COL19A1: variants seen among roughly 807,000 people sequenced by gnomAD.
COL19A1 encodes collagen alpha-1(XIX) chain.
In COL19A1, 159 loss-of-function variants were observed where a neutral mutation model predicts 190.2. The observed-to-expected ratio is 0.84, with a 90% CI of 0.73 to 0.95. The LOEUF is 0.95. Among genes scored for constraint, COL19A1 ranks in the 40% least tolerant of loss-of-function variants. COL19A1 has a pLI of 0.00. For synonymous variants in COL19A1, 509 were observed against 458.9 expected (o/e 1.11, Z -1.39); for missense variants, 1,418 against 1,431.9 (o/e 0.99, Z 0.16).
At chr6:70,080,080 A>G (rs969793055) in intron 15 of COL19A1, among the ~76,000 whole-genome samples, 2 of 152,240 alleles carry the variant, frequency 1.3e-5, no homozygotes, top group Non-Finnish European at 2.9e-5. Flanking sequence ...ATGGACACTC[A>G]CTTTGAGGAC....
chr6:69,965,110 A>G (rs1326368063), intron 11 of COL19A1, among the ~76,000 whole-genome samples: 3 of 152,248 alleles, frequency 2.0e-5, no homozygotes, highest in Admixed American at 6.5e-5. Context: ...AACAAAGTCA[A>G]TCTACCTTGG....
intron 1 of COL19A1, among the ~76,000 whole-genome samples, chr6:69,878,187 T>TTA (rs141143309): frequency 0.1 from 15,286 of 149,884 alleles, 844 homozygotes; most frequent in Middle Eastern, 0.14. Context: ...AGGATAGTAA[T>TTA]TATATATATA....
chr6:70,053,005 A>G (rs1780292014), intron 14 of COL19A1, among the ~76,000 whole-genome samples: 1 of 152,204 alleles, frequency 6.6e-6, no homozygotes. Context: ...CAGGTATGCA[A>G]TACATATCAA....
intron 31 of COL19A1, among the ~76,000 whole-genome samples, chr6:70,153,937 C>G (rs1421975958): frequency 6.6e-6 from 1 of 151,990 alleles, no homozygotes; most frequent in Non-Finnish European, 1.5e-5. Flanking sequence ...AGAAAGACCA[C>G]CATGAAGAGA....
At chr6:69,990,611 G>C (rs1776563623) in intron 11 of COL19A1, among the ~76,000 whole-genome samples, 1 of 151,896 alleles carries the variant, frequency 6.6e-6, no homozygotes, top group Non-Finnish European at 1.5e-5. Flanking sequence ...TCCATAGCCT[G>C]GATTTGCCAA....
At chr6:69,949,124 G>A (rs753553435) in intron 9 of COL19A1, among the ~76,000 whole-genome samples, 32 of 151,756 alleles carry the variant, frequency 2.1e-4, no homozygotes, top group Non-Finnish European at 3.8e-4. Context: ...CTCTTAAAGG[G>A]TCTCACAGAC....
At chr6:69,926,764 GA>G (rs1772425493) in intron 4 of COL19A1, among the ~76,000 whole-genome samples, 1 of 152,058 alleles carries the variant, frequency 6.6e-6, no homozygotes, top group Admixed American at 6.6e-5. Flanking sequence ...ATACATTCAG[GA>G]AGCTCAACAG....
intron 34 of COL19A1, among the ~76,000 whole-genome samples, chr6:70,157,998 G>A (rs550305092): frequency 1.5e-4 from 23 of 152,128 alleles, no homozygotes; most frequent in African/African-American, 4.8e-4. Context: ...ACACTTTAGC[G>A]GGCTTTTTCT....
intron 4 of COL19A1, among the ~76,000 whole-genome samples, chr6:69,909,370 A>G (rs898672873): frequency 6.6e-6 from 1 of 152,166 alleles, no homozygotes; most frequent in Admixed American, 6.5e-5. Flanking sequence ...AAATGAAGAC[A>G]GACTTAATTA....
chr6:70,079,925 G>T (rs1377517616), intron 15 of COL19A1, among the ~76,000 whole-genome samples: 1 of 152,116 alleles, frequency 6.6e-6, no homozygotes, highest in African/African-American at 2.4e-5. Context: ...AAAGAAGTCT[G>T]TAAATAGGGA....
intron 11 of COL19A1, among the ~76,000 whole-genome samples, chr6:69,982,648 A>G (rs566671062): frequency 2.4e-4 from 37 of 151,890 alleles, no homozygotes; most frequent in Non-Finnish European, 4.6e-4. Flanking sequence ...TGGGTATCCT[A>G]GAACCTTGGC....
intron 11 of COL19A1, among the ~76,000 whole-genome samples, chr6:69,984,260 C>T (rs983458146): frequency 1.3e-5 from 2 of 152,094 alleles, no homozygotes; most frequent in Admixed American, 6.5e-5. Flanking sequence ...CCTAGAATGG[C>T]TGAATTAACA....
At chr6:70,058,846 A>G (rs1042068335) in intron 14 of COL19A1, among the ~76,000 whole-genome samples, 2 of 151,960 alleles carry the variant, frequency 1.3e-5, no homozygotes, top group Non-Finnish European at 2.9e-5. Flanking sequence ...AAGAAAAATT[A>G]CTTCTTGAGA....
At chr6:69,995,560 G>A (rs1306824885) in intron 11 of COL19A1, among the ~76,000 whole-genome samples, 1 of 151,458 alleles carries the variant, frequency 6.6e-6, no homozygotes, top group Non-Finnish European at 1.5e-5. Context: ...CTCTGGGTAA[G>A]TTAGCAAATC....
At chr6:69,944,954 T>C (rs1773704597) in intron 9 of COL19A1, among the ~76,000 whole-genome samples, 1 of 152,022 alleles carries the variant, frequency 6.6e-6, no homozygotes, top group Non-Finnish European at 1.5e-5. Context: ...TTCTGAATTT[T>C]TTAATTCCCT....
chr6:70,127,561 T>C (rs1294334364), intron 17 of COL19A1, among the ~76,000 whole-genome samples: 2 of 152,172 alleles, frequency 1.3e-5, no homozygotes, highest in Non-Finnish European at 2.9e-5. Context: ...TCTGTTTTCA[T>C]GCTGCTGATA....
rs750311829 is a variant in COL19A1 at position 70,148,451 on chromosome 6, G to A, written c.1894-1253G>A. ...AGGAGCTCTGTGCCAGGAACTGGGG[G>A]CAGAGAACACATATTATTTTATCAC... On this transcript the variant is annotated intron_variant, in intron 27 of 50. Coordinates refer to ENST00000620364, the MANE Select transcript of COL19A1 (RefSeq NM_001858.6). 3.8e-4 allele frequency among the ~76,000 whole-genome samples: 58 copies of A among 152,178 alleles called. 1 individual carries two copies. Among genetic ancestry groups the A allele is most frequent in the Non-Finnish European group, 4.4e-5 (3 of 68,032 alleles).
intron 9 of COL19A1, among the ~76,000 whole-genome samples, chr6:69,945,877 A>G (rs1199478806): frequency 6.6e-6 from 1 of 152,014 alleles, no homozygotes; most frequent in Non-Finnish European, 1.5e-5. Context: ...AAAAGTGTAT[A>G]TTATTTTCCA....
intron 27 of COL19A1, 144 bp from the exon 28 acceptor site, chr6:70,149,560 C>T (rs1786895032): frequency 1.1e-5 from 10 of 911,886 alleles, no homozygotes; most frequent in South Asian, 1.8e-5. Context: ...AAGTCTTGGC[C>T]GACTTTGCAG....
Sources: gnomAD v4.1 joint callset for allele counts (sites outside exome capture counted in the v4.1 genomes callset) on GRCh38, gnomAD v4.1.1 for gene constraint, MANE v1.5 for transcripts, NCBI Gene and HGNC (gene_info 2026-07-23, HGNC 2026-07-21) for gene names.